The following NRXN3 variants were observed in gnomAD, a reference collection of about 807,000 sequenced individuals.
NRXN3 encodes the protein neurexin III.
A neutral mutation model predicts 137.6 loss-of-function variants in NRXN3; 32 were observed. That is an observed-to-expected ratio of 0.23 (90% CI 0.18 to 0.31). The LOEUF is 0.31. Among genes scored for constraint, NRXN3 ranks in the 10% least tolerant of loss-of-function variants. NRXN3 has a pLI of 1.00. For synonymous variants in NRXN3, 798 were observed against 784.5 expected (o/e 1.02, Z -0.29); for missense variants, 1,574 against 2,062.5 (o/e 0.76, Z 4.59).
At chr14:79,107,718 A>C (rs2052706209) in intron 15 of NRXN3, among the ~76,000 whole-genome samples, 2 of 152,066 alleles carry the variant, frequency 1.3e-5, no homozygotes, top group African/African-American at 4.8e-5. Flanking sequence ...AATTAATAGA[A>C]AGGGAGGAAT....
intron 15 of NRXN3, among the ~76,000 whole-genome samples, chr14:79,011,259 G>T (rs1244014995): frequency 6.6e-6 from 1 of 151,982 alleles, no homozygotes; most frequent in Non-Finnish European, 1.5e-5. Context: ...GCAAACATTT[G>T]TCTGTTGAGT....
chr14:78,611,977 G>A (rs2097304327), intron 4 of NRXN3, among the ~76,000 whole-genome samples: 1 of 152,042 alleles, frequency 6.6e-6, no homozygotes, highest in Admixed American at 6.5e-5. Flanking sequence ...ACCTCCTATT[G>A]CATCATTATA....
At chr14:79,775,832 C>G (rs1427803904) in intron 19 of NRXN3, among the ~76,000 whole-genome samples, 1 of 152,164 alleles carries the variant, frequency 6.6e-6, no homozygotes, top group East Asian at 1.9e-4. Flanking sequence ...GGTTCTAGAT[C>G]TATCATAGGT....
intron 14 of NRXN3, among the ~76,000 whole-genome samples, chr14:78,977,765 G>C (rs984196432): frequency 6.6e-6 from 1 of 152,168 alleles, no homozygotes; most frequent in Non-Finnish European, 1.5e-5. Flanking sequence ...GAGCAGTGCT[G>C]TGCTAGAGCT....
In NRXN3 at chr14:79,532,952, A is replaced by T. The variant is rs940985526; in HGVS notation, c.3444+65550A>T. On this transcript the variant is annotated intron_variant, in intron 16 of 20. Transcript: ENST00000335750. ...TCAAAATCTTTCCAATTAGGAACCT[A>T]AATTCTATTCCCAAAGGTTATGATA... Among the ~76,000 whole-genome samples, 4 of 152,268 alleles carry T rather than the reference A, an allele frequency of 2.6e-5. No homozygotes were observed. In the East Asian group the frequency reaches 5.8e-4, roughly 22 times the overall value.
chr14:78,360,378 T>C (rs1419785984), intron 4 of NRXN3, among the ~76,000 whole-genome samples: 1 of 152,214 alleles, frequency 6.6e-6, no homozygotes, highest in Non-Finnish European at 1.5e-5. Flanking sequence ...GTTTATTGAA[T>C]AAATTGCACC....
intron 20 of NRXN3, among the ~76,000 whole-genome samples, chr14:79,814,038 G>A (rs1355578626): frequency 6.6e-6 from 1 of 152,200 alleles, no homozygotes; most frequent in Non-Finnish European, 1.5e-5. Flanking sequence ...CATCACAAGT[G>A]CATGACACCA....
At chr14:78,799,594 A>G (rs1041547031) in intron 8 of NRXN3, among the ~76,000 whole-genome samples, 3 of 152,102 alleles carry the variant, frequency 2.0e-5, no homozygotes, top group Non-Finnish European at 4.4e-5. Context: ...GCAGTGCCTC[A>G]CTCCCAGTAC....
intron 10 of NRXN3, among the ~76,000 whole-genome samples, chr14:78,909,111 G>A (rs935216643): frequency 7.2e-5 from 11 of 152,042 alleles, no homozygotes; most frequent in Non-Finnish European, 1.3e-4. Flanking sequence ...CAAAACCGTC[G>A]TACCTAGATC....
rs1162153685 is a variant in NRXN3, at chr14:79,617,917, C to CAAAAAAAAAAAAAAA, written c.3445-45860_3445-45846dup. Among the ~76,000 whole-genome samples the CAAAAAAAAAAAAAAA allele has an allele frequency of 2.1e-3, 193 of 91,190 alleles. 10 individuals are homozygous for CAAAAAAAAAAAAAAA. Among genetic ancestry groups the CAAAAAAAAAAAAAAA allele is most frequent in the African/African-American group, 5.0e-3 (86 of 17,214 alleles). 59.8% of individuals were successfully genotyped at this position (91,190 alleles called of 152,430 possible). A position where few individuals can be genotyped will look rare whatever the true frequency, so the allele number is the denominator to read the frequency against. On this transcript the variant is annotated intron_variant, in intron 16 of 20. Transcript: ENST00000335750. ...TTCAGAGATAGGAGCTGAATAGCAGCAAAAAAAAAAAAAAACATGCTTATG... is the reference window on the plus strand; with the variant it reads ...TTCAGAGATAGGAGCTGAATAGCAGCAAAAAAAAAAAAAAAAAAAAAAAAAAAAAACATGCTTATG...
At chr14:78,831,289 T>A (rs2098980979) in intron 10 of NRXN3, among the ~76,000 whole-genome samples, 1 of 152,056 alleles carries the variant, frequency 6.6e-6, no homozygotes. Flanking sequence ...ATATCACACC[T>A]GTAACCCCAG....
rs149097141 is a variant in NRXN3 at position 78,889,071 on chromosome 14, G to A, written c.2276-68171G>A. 3.5e-3 allele frequency among the ~76,000 whole-genome samples: 537 copies of A among 152,058 alleles called. 4 individuals are homozygous for A. Among genetic ancestry groups the A allele is most frequent in the African/African-American group, 0.012 (512 of 41,510 alleles). ...AAATACCTTAGAAATTGTACAGTAT[G>A]ATAAAAATATTGACTTTTATTTTCT... On this transcript the variant is annotated intron_variant, in intron 10 of 20. Coordinates refer to ENST00000335750, the MANE Select transcript of NRXN3 (RefSeq NM_001330195.2).
intron 20 of NRXN3, among the ~76,000 whole-genome samples, chr14:79,809,329 G>A (rs982796758): frequency 3.9e-5 from 6 of 152,278 alleles, no homozygotes; most frequent in Middle Eastern, 3.4e-3. Flanking sequence ...GGTAGAGACA[G>A]GGTTTCGCCA....
chr14:79,817,975 G>T (rs1460921674), intron 20 of NRXN3, among the ~76,000 whole-genome samples: 1 of 151,506 alleles, frequency 6.6e-6, no homozygotes, highest in Non-Finnish European at 1.5e-5. Flanking sequence ...TCCAATATTG[G>T]AGAGAAATAC....
At chr14:78,819,700 C>G (rs2153122141) in intron 10 of NRXN3, among the ~76,000 whole-genome samples, 1 of 152,234 alleles carries the variant, frequency 6.6e-6, no homozygotes, top group East Asian at 1.9e-4. Flanking sequence ...GCCAGTTAGG[C>G]CGCATAAATG....
At chr14:78,736,839 G>T (rs933202088) in intron 8 of NRXN3, among the ~76,000 whole-genome samples, 1 of 152,124 alleles carries the variant, frequency 6.6e-6, no homozygotes, top group African/African-American at 2.4e-5. Context: ...TAAATGTTCA[G>T]GACAAAAATA....
chr14:78,682,864 C>T (rs915912863), intron 6 of NRXN3, among the ~76,000 whole-genome samples: 3 of 152,164 alleles, frequency 2.0e-5, no homozygotes, highest in African/African-American at 7.2e-5. Flanking sequence ...CATTATGTTC[C>T]ACTTCCTCAC....
chr14:78,606,251 T>C (rs556196644), intron 4 of NRXN3, among the ~76,000 whole-genome samples: 22 of 152,238 alleles, frequency 1.4e-4, no homozygotes, highest in Non-Finnish European at 2.8e-4. Context: ...AATGCATGAC[T>C]CTTGAATGAC....
chr14:78,669,847 T>A (rs573342935), intron 6 of NRXN3, among the ~76,000 whole-genome samples: 8 of 152,288 alleles, frequency 5.3e-5, no homozygotes, highest in South Asian at 2.1e-4. Context: ...GGGATTTTTT[T>A]AAATTTTATG....
Sources: allele counts gnomAD v4.1 joint callset (sites outside exome capture counted in the v4.1 genomes callset), GRCh38; gene constraint gnomAD v4.1.1; transcripts MANE v1.5; gene names NCBI Gene and HGNC (gene_info 2026-07-23, HGNC 2026-07-21).